DYRK1B: variants seen among roughly 807,000 people sequenced by gnomAD.
DYRK1B encodes the protein dual specificity tyrosine-phosphorylation-regulated kinase 1B.
Under a neutral mutation model 57.1 loss-of-function variants are expected in DYRK1B, and 20 were observed. That is an observed-to-expected ratio of 0.35 (90% CI 0.25 to 0.51). The LOEUF (loss-of-function observed/expected upper bound fraction) is 0.51. Among genes scored for constraint, DYRK1B ranks in the 20% least tolerant of loss-of-function variants. The pLI, the probability that DYRK1B is intolerant of heterozygous loss-of-function variation, is 0.96. For synonymous variants in DYRK1B, 409 were observed against 384.7 expected, an observed-to-expected ratio of 1.06 and a Z score of -0.74; for missense variants, 732 against 886.3, an observed-to-expected ratio of 0.83 and a Z score of 2.21.
chr19:39,831,457 G>A (rs1263880370), intron 2 of DYRK1B, among the ~76,000 whole-genome samples: 2 of 152,090 alleles, frequency 1.3e-5, no homozygotes, highest in African/African-American at 4.8e-5. Flanking sequence ...TTTACTATGT[G>A]CCAGGCACCA....
chr19:39,826,485 G>A lies in DYRK1B; in HGVS notation c.1411+187C>T, dbSNP rs1221241749. On this transcript the variant is annotated intron_variant, in intron 9 of 10. Transcript: ENST00000323039. The surrounding 1 kb of genome is among the most constrained non-coding windows in gnomAD (Gnocchi z 6.3). ...GGTTTTAGAGTCAGAACCAGTTTCA[G>A]GGCTCTGAGCCCAATTTCAGTGATT... Among the ~76,000 whole-genome samples the A allele has an allele frequency of 6.6e-6, 1 of 152,214 alleles. No homozygotes were observed. The highest frequency in any genetic ancestry group is 6.5e-5 in the Admixed American group (1 of 15,286).
rs759511845 is a variant in DYRK1B at position 39,826,049 on chromosome 19, C to A, written c.1556G>T (p.Gly519Val). Residue 519 changes from glycine to valine, a missense_variant, in exon 11 of 11, where the codon GGT (glycine) becomes GTT (valine). Around this residue, in one of 2 missense-constraint regions of DYRK1B, gnomAD observed 222 missense variants for 205.0 expected, o/e 1.08. Transcript: ENST00000323039. The surrounding 1 kb of genome is among the most constrained non-coding windows in gnomAD (Gnocchi z 6.3). The part of the protein sequence containing the change: ...PSQPLRPWAG[G>V]DVPHKTHQAP... Reference sequence around the variant, plus strand: ...TTGATGTGTCTTGTGGGGCACATCACCCCCTGCCCAGGGCCGCAGCGGCTG... The same window carrying A: ...TTGATGTGTCTTGTGGGGCACATCAACCCCTGCCCAGGGCCGCAGCGGCTG... The A allele has an allele frequency of 2.6e-6, 4 of 1,517,874 alleles. No homozygotes were observed. The highest frequency in any genetic ancestry group is 2.3e-5 in the Admixed American group (1 of 44,176). The allele number at this position is 1,517,874 out of a possible 1,614,324, so 94.0% of individuals were successfully genotyped here.
At chr19:39,833,035 C>T (rs1225465213) in intron 1 of DYRK1B, 2 of 985,234 alleles carry the variant, frequency 2.0e-6, no homozygotes, top group African/African-American at 3.5e-5. Flanking sequence ...CCTAGAGGGC[C>T]TCAAAGTCAA....
At chr19:39,827,837 A>G (rs1186102139) in intron 6 of DYRK1B, among the ~76,000 whole-genome samples, 181 bp from the exon 7 acceptor site, 1 of 151,984 alleles carries the variant, frequency 6.6e-6, no homozygotes, top group Non-Finnish European at 1.5e-5. Flanking sequence ...TTGTTTATCA[A>G]TCTGGGGAGT....
In DYRK1B at chr19:39,827,007, AGGGG is replaced by A; in HGVS notation, c.1096-24_1096-21del. 6.1e-6 allele frequency: 1 copy of A among 163,182 alleles called. No homozygotes were observed. The highest frequency in any genetic ancestry group is 8.7e-6 in the Non-Finnish European group (1 of 114,634). 10.1% of individuals were successfully genotyped at this position (163,182 alleles called of 1,614,324 possible). A position where few individuals can be genotyped will look rare whatever the true frequency, so the allele number is the denominator to read the frequency against. On this transcript the variant is annotated intron_variant, in intron 8 of 10. Transcript: ENST00000323039. ...GTAATCCTGGCAGGGAGGGGGTGGG[AGGGG>A]GGGCAAGAGAGTGGCCGTCAGTGGG...
chr19:39,826,633 C>A lies in DYRK1B; in HGVS notation c.1411+39G>T, dbSNP rs568650355. ...CAGGACAGGCCAAACCTGAGCAGCC[C>A]CCACCCGTTGTACCCCATTTGGGCA... On this transcript the variant is annotated intron_variant, in intron 9 of 10. Coordinates refer to ENST00000323039, the MANE Select transcript of DYRK1B (RefSeq NM_004714.3). The surrounding 1 kb of genome is among the most constrained non-coding windows in gnomAD (Gnocchi z 6.3). The A allele has an allele frequency of 3.1e-5, 47 of 1,536,042 alleles. No individual in the cohort carries two copies. The South Asian group carries it at 5.6e-4, about 18-fold the overall frequency.
rs750325031 is a variant in DYRK1B, at chr19:39,827,328, G to C, written c.1052C>G (p.Pro351Arg). 2 of 1,613,618 alleles carry C rather than the reference G, an allele frequency of 1.2e-6. No individual in the cohort carries two copies. The highest frequency in any genetic ancestry group is 2.7e-5 in the African/African-American group (2 of 74,888). The change falls in exon 8 of 11, where the codon CCT (proline) becomes CGT (arginine). Residue 351 changes from proline (P) to arginine (R), a missense_variant. Pro to Arg is a moderately radical substitution (Grantham distance 103, BLOSUM62 -2). Transcript: ENST00000323039. The stretch of plus-strand genomic sequence containing the variant: ...CCTTCGTAGGGTCCAGCCACCCCCA[G>C]GCAGCCGTTCAAAGTACTTGCGAGC... Reference protein sequence around the residue: ...PKARKYFERLPGGGWTLRRTK... With the variant: ...PKARKYFERLRGGGWTLRRTK...
At chr19:39,833,102 ATCT>A (rs1198824742) in intron 1 of DYRK1B, 8 of 985,094 alleles carry the variant, frequency 8.1e-6, no homozygotes, top group South Asian at 4.7e-5. Flanking sequence ...TACAGCAAAA[ATCT>A]TCTCCCCATG....
chr19:39,826,332 A>T lies in DYRK1B; in HGVS notation c.1412-46T>A, dbSNP rs1455955737. The T allele has an allele frequency of 2.7e-6, 4 of 1,469,386 alleles. No individual in the cohort carries two copies. Among genetic ancestry groups the T allele is most frequent in the Non-Finnish European group, 3.7e-6 (4 of 1,094,930 alleles). 91.0% of individuals were successfully genotyped at this position (1,469,386 alleles called of 1,614,324 possible). ...AGGTGAAGGGGCATAAGGTGAGAGA[A>T]GGTGGCGAGTGGGTTTTGGGATGGC... On this transcript the variant is annotated intron_variant, in intron 9 of 10. Transcript: ENST00000323039. This position sits in a 1 kb window ranked among gnomAD's most constrained non-coding sequence, Gnocchi z 6.3.
At position 39,833,202 on chromosome 19, in the gene DYRK1B, A is replaced by G. The variant is rs902002200; in HGVS notation, c.-102+821T>C. On this transcript the variant is annotated intron_variant, in intron 1 of 10. Coordinates refer to ENST00000323039, the MANE Select transcript of DYRK1B (RefSeq NM_004714.3). Reference sequence around the variant, plus strand: ...TCCTCCACCCTTGGAGCTTCCCCCAAAAAACCACCTCTTCTCCGGGGCCCT... The same window carrying G: ...TCCTCCACCCTTGGAGCTTCCCCCAGAAAACCACCTCTTCTCCGGGGCCCT... 2.2e-5 allele frequency: 22 copies of G among 985,434 alleles called. No homozygotes were observed. In the East Asian group the frequency reaches 4.5e-4, roughly 20 times the overall value. 61.0% of individuals were successfully genotyped at this position (985,434 alleles called of 1,614,324 possible). A position where few individuals can be genotyped will look rare whatever the true frequency, so the allele number is the denominator to read the frequency against.
At chr19:39,827,221 G>C in intron 8 of DYRK1B, 64 bp downstream of exon 8, 1 of 1,533,438 alleles carries the variant, frequency 6.5e-7, no homozygotes, top group South Asian at 1.2e-5. Flanking sequence ...AGCAGGGGGA[G>C]AGAGCCCCAA....
chr19:39,832,084 A>C, intron 1 of DYRK1B, 116 bp from the exon 2 acceptor site: 2 of 1,170,642 alleles, frequency 1.7e-6, no homozygotes, highest in Non-Finnish European at 1.1e-6. Context: ...GGAAAAGGGC[A>C]CAACGGAGCA....
rs768453549 is a variant in DYRK1B at position 39,831,918 on chromosome 19, C to T, written c.-51G>A. The T allele has an allele frequency of 7.6e-6, 11 of 1,438,114 alleles. No homozygotes were observed. The highest frequency in any genetic ancestry group is 2.7e-5 in the East Asian group (1 of 37,348). 89.1% of individuals were successfully genotyped at this position (1,438,114 alleles called of 1,614,324 possible). ...GCGAGGCCTGGAGCGGGAGCCCGGC[C>T]GGGGGGCGCCTTCTTGCATCCTGCA... On this transcript the variant is annotated 5_prime_UTR_variant, in exon 2 of 11. Transcript: ENST00000323039.
chr19:39,828,611 G>A lies in DYRK1B; in HGVS notation c.521-28C>T, dbSNP rs923009178. On this transcript the variant is annotated intron_variant, in intron 5 of 10. Coordinates refer to ENST00000323039, the MANE Select transcript of DYRK1B (RefSeq NM_004714.3). The surrounding 1 kb of genome is among the most constrained non-coding windows in gnomAD (Gnocchi z 4.3). Reference sequence around the variant, plus strand: ...GCGGGGGAGGGGAGGAAATGGGCCAGAGAAGAAACGGCTCAGAGAGGGCAG... The same window carrying A: ...GCGGGGGAGGGGAGGAAATGGGCCAAAGAAGAAACGGCTCAGAGAGGGCAG... The A allele has an allele frequency of 3.8e-6, 6 of 1,590,954 alleles. No individual in the cohort carries two copies. Among genetic ancestry groups the A allele is most frequent in the Non-Finnish European group, 4.3e-6 (5 of 1,164,278 alleles).
At position 39,827,445 on chromosome 19, in the gene DYRK1B, A is replaced by C. The variant is rs984985697; in HGVS notation, c.955-20T>G. ...GTCGACCTGTGAGCAGGCAGGGGTC[A>C]AGGTCATCAGGCCAGCCAGGCTCCA... On this transcript the variant is annotated intron_variant, in intron 7 of 10. Transcript: ENST00000323039. 1.2e-6 allele frequency: 2 copies of C among 1,610,404 alleles called. No homozygotes were observed. The highest frequency in any genetic ancestry group is 1.7e-6 in the Non-Finnish European group (2 of 1,177,124).
At chr19:39,830,083 AC>A in intron 4 of DYRK1B, 56 bp from the exon 5 acceptor site, 1 of 1,589,448 alleles carries the variant, frequency 6.3e-7, no homozygotes, top group Non-Finnish European at 8.6e-7. Flanking sequence ...AGAGCCAGGC[AC>A]CATTCTTCTC....
Position 39,826,837 on chromosome 19 carries a change from G to C in DYRK1B, c.1246C>G (p.Pro416Ala). ...DLVLRMLEYE[P>A]AARISPLGAL... ...CCCAGGGGGCTGATGCGGGCGGCGG[G>C]CTCATACTCCAGCATGCGCAGCACC... The change falls in exon 9 of 11, where the codon CCC (proline) becomes GCC (alanine). Residue 416 changes from proline to alanine, a missense_variant. Pro to Ala is a conservative substitution (Grantham distance 27, BLOSUM62 -1). Coordinates refer to ENST00000323039, the MANE Select transcript of DYRK1B (RefSeq NM_004714.3). The surrounding 1 kb of genome is among the most constrained non-coding windows in gnomAD (Gnocchi z 6.3). The C allele has an allele frequency of 1.3e-6, 2 of 1,484,398 alleles. No individual in the cohort carries two copies. The highest frequency in any genetic ancestry group is 5.1e-5 in the East Asian group (2 of 39,140). 92.0% of individuals were successfully genotyped at this position (1,484,398 alleles called of 1,614,324 possible).
rs964268009 is a variant in DYRK1B at position 39,825,417 on chromosome 19, C to T, written c.*298G>A. On this transcript the variant is annotated 3_prime_UTR_variant, in exon 11 of 11. Transcript: ENST00000323039. ...GGCCATCTCCCCCTACCTGCCCCCA[C>T]CCCCTCCTAGGGTCCTGGGGTGAGG... 5.2e-6 allele frequency: 2 copies of T among 381,350 alleles called. No individual in the cohort carries two copies. The highest frequency in any genetic ancestry group is 9.5e-6 in the Non-Finnish European group (2 of 210,184). 23.6% of individuals were successfully genotyped at this position (381,350 alleles called of 1,614,324 possible).
intron 1 of DYRK1B, among the ~76,000 whole-genome samples, chr19:39,832,239 A>C (rs1968854649): frequency 6.6e-6 from 1 of 152,118 alleles, no homozygotes; most frequent in Non-Finnish European, 1.5e-5. Context: ...GGGGCCAAGC[A>C]GGGGTCGATA....
Sources: allele counts gnomAD v4.1 joint callset (sites outside exome capture counted in the v4.1 genomes callset), GRCh38; gene constraint gnomAD v4.1.1; regional missense constraint gnomAD v4.1.1; non-coding constraint Gnocchi (gnomAD v3.1); transcripts MANE v1.5; gene names NCBI Gene and HGNC (gene_info 2026-07-23, HGNC 2026-07-21).